The following PRICKLE1 variants were observed in gnomAD, a reference collection of about 807,000 sequenced individuals.
PRICKLE1 encodes prickle-like protein 1.
A neutral mutation model predicts 70.2 loss-of-function variants in PRICKLE1; 14 were observed. The ratio of observed to expected loss-of-function variants is 0.20; its 90% CI spans 0.13 to 0.31. The LOEUF (loss-of-function observed/expected upper bound fraction) is 0.31, where lower values mean the gene tolerates loss of function less well. PRICKLE1 is among the 10% of genes least tolerant of loss of function. The probability of loss-of-function intolerance (pLI) is 1.00; values close to 1 mark genes in which losing one functional copy is unlikely to be tolerated. For missense variants in PRICKLE1, 821 were observed against 1,026.2 expected (o/e 0.80, Z 2.73); for synonymous variants, 357 against 379.9 (o/e 0.94, Z 0.70).
intron 1 of PRICKLE1, chr12:42,584,583 T>C (rs1354101376): frequency 6.6e-6 from 1 of 152,112 alleles, no homozygotes; most frequent in African/African-American, 2.4e-5. Context: ...AAGGTGGTTA[T>C]AAAAAACATC....
At chr12:42,500,292 T>C (rs1318085719) in intron 1 of PRICKLE1, among the ~76,000 whole-genome samples, 2 of 152,246 alleles carry the variant, frequency 1.3e-5, no homozygotes, top group Admixed American at 1.3e-4. Context: ...TTAATTTCTA[T>C]AGATACAAAA....
At chr12:42,571,689 AC>A (rs1940716306) in intron 1 of PRICKLE1, among the ~76,000 whole-genome samples, 1 of 152,216 alleles carries the variant, frequency 6.6e-6, no homozygotes. Context: ...GTGTTTTGGT[AC>A]TGATATTAAC....
chr12:42,583,148 CGTGT>C (rs68143024), intron 1 of PRICKLE1, among the ~76,000 whole-genome samples: 262 of 147,258 alleles, frequency 1.8e-3, no homozygotes, highest in Non-Finnish European at 1.8e-3. Flanking sequence ...TAGATTGAAA[CGTGT>C]GTGTGTGTGT....
intron 1 of PRICKLE1, among the ~76,000 whole-genome samples, chr12:42,567,498 C>G (rs1940639382): frequency 6.6e-6 from 1 of 152,068 alleles, no homozygotes; most frequent in Non-Finnish European, 1.5e-5. Context: ...AGTATAGGAG[C>G]AAAGATATCA....
intron 1 of PRICKLE1, among the ~76,000 whole-genome samples, chr12:42,497,964 C>T (rs1011381758): frequency 6.6e-6 from 1 of 152,110 alleles, no homozygotes; most frequent in African/African-American, 2.4e-5. Flanking sequence ...CTTCACTGGA[C>T]ACCACAAATC....
chr12:42,558,072 T>C (rs1310762420), intron 1 of PRICKLE1, among the ~76,000 whole-genome samples: 1 of 152,184 alleles, frequency 6.6e-6, no homozygotes, highest in African/African-American at 2.4e-5. Context: ...TCTTTAAAAC[T>C]GGATAAAGGC....
chr12:42,469,006 C>T (rs750880420), intron 4 of PRICKLE1, among the ~76,000 whole-genome samples, 177 bp from the exon 5 acceptor site: 2 of 152,168 alleles, frequency 1.3e-5, no homozygotes, highest in South Asian at 2.1e-4. Context: ...CTGTAAGGCA[C>T]GTGTCTCAGA....
At chr12:42,466,514 C>G in intron 5 of PRICKLE1, 134 bp from the exon 6 acceptor site, 2 of 744,354 alleles carry the variant, frequency 2.7e-6, no homozygotes, top group Middle Eastern at 2.7e-4. Flanking sequence ...AACCTTGTTT[C>G]TTAGAGTCAC....
chr12:42,529,176 G>T (rs1815412522), intron 1 of PRICKLE1, among the ~76,000 whole-genome samples: 1 of 152,118 alleles, frequency 6.6e-6, no homozygotes, highest in Non-Finnish European at 1.5e-5. Flanking sequence ...TTCAAAACTA[G>T]ATATTTTATT....
chr12:42,494,691 C>A (rs1214138510), intron 1 of PRICKLE1, among the ~76,000 whole-genome samples: 4 of 151,688 alleles, frequency 2.6e-5, no homozygotes, highest in African/African-American at 9.7e-5. Flanking sequence ...CTTGTAGTCC[C>A]AGCTACTCAG....
In PRICKLE1 at chr12:42,517,968, T is replaced by A. The variant is rs2120449326; in HGVS notation, c.-48-45404A>T. 2.0e-5 allele frequency among the ~76,000 whole-genome samples: 3 copies of A among 152,194 alleles called. No individual in the cohort carries two copies. In the South Asian group the frequency reaches 6.2e-4, roughly 32 times the overall value. The stretch of plus-strand genomic sequence containing the variant: ...GGTCTCAGAATGTCTCTCCCAGGCC[T>A]GGGTTTATAATTCCAAAGATAACAT... On this transcript the variant is annotated intron_variant, in intron 1 of 7. Coordinates refer to ENST00000345127, the MANE Select transcript of PRICKLE1 (RefSeq NM_153026.3).
At chr12:42,553,171 G>A (rs377469954) in intron 1 of PRICKLE1, among the ~76,000 whole-genome samples, 26 of 152,030 alleles carry the variant, frequency 1.7e-4, no homozygotes, top group African/African-American at 5.8e-4. Flanking sequence ...GGCCGGGCTT[G>A]GTGGCTCACG....
intron 2 of PRICKLE1, 130 bp from the exon 3 acceptor site, chr12:42,470,489 C>A (rs1938277483): frequency 1.4e-6 from 1 of 705,892 alleles, no homozygotes; most frequent in Admixed American, 2.0e-5. Flanking sequence ...ACCAGCTGAG[C>A]CAACTCAGCA....
intron 1 of PRICKLE1, among the ~76,000 whole-genome samples, chr12:42,538,046 G>C (rs527585819): frequency 6.6e-6 from 1 of 152,254 alleles, no homozygotes; most frequent in African/African-American, 2.4e-5. Flanking sequence ...GGCTGGGTGT[G>C]GCTCACATCT....
intron 1 of PRICKLE1, among the ~76,000 whole-genome samples, chr12:42,501,297 GATTGAGACC>G (rs1167833837): frequency 6.6e-6 from 1 of 151,982 alleles, no homozygotes; most frequent in Non-Finnish European, 1.5e-5. Flanking sequence ...GAGGTCAAGA[GATTGAGACC>G]ATCCTGGCCA....
At chr12:42,536,258 G>A (rs1050333217) in intron 1 of PRICKLE1, among the ~76,000 whole-genome samples, 1 of 152,188 alleles carries the variant, frequency 6.6e-6, no homozygotes, top group Non-Finnish European at 1.5e-5. Context: ...AAATGAAGAT[G>A]CTAAAGAAAG....
At chr12:42,525,946 A>G (rs952057774) in intron 1 of PRICKLE1, among the ~76,000 whole-genome samples, 7 of 152,218 alleles carry the variant, frequency 4.6e-5, no homozygotes, top group African/African-American at 7.2e-5. Context: ...CAAAAGACAA[A>G]GAGGAGATGA....
At chr12:42,571,689 A>G (rs1940716256) in intron 1 of PRICKLE1, among the ~76,000 whole-genome samples, 2 of 152,216 alleles carry the variant, frequency 1.3e-5, no homozygotes, top group African/African-American at 4.8e-5. Context: ...GTGTTTTGGT[A>G]CTGATATTAA....
chr12:42,569,533 C>T (rs895833566), intron 1 of PRICKLE1, among the ~76,000 whole-genome samples: 10 of 152,248 alleles, frequency 6.6e-5, no homozygotes, highest in South Asian at 4.1e-4. Flanking sequence ...ACTATCTGGA[C>T]TCATTAACTC....
Sources: gnomAD v4.1 joint callset for allele counts (sites outside exome capture counted in the v4.1 genomes callset) on GRCh38, gnomAD v4.1.1 for gene constraint, MANE v1.5 for transcripts, NCBI Gene and HGNC (gene_info 2026-07-23, HGNC 2026-07-21) for gene names.